HELZ2: variants seen among roughly 807,000 people sequenced by gnomAD.
HELZ2 encodes the protein 3'-5' exoribonuclease HELZ2.
A neutral mutation model predicts 208.8 loss-of-function variants in HELZ2; 143 were observed. That is an observed-to-expected ratio of 0.68 (90% CI 0.60 to 0.79). The LOEUF (loss-of-function observed/expected upper bound fraction) is 0.79, where lower values mean the gene tolerates loss of function less well. Among genes scored for constraint, HELZ2 ranks in the 30% least tolerant of loss-of-function variants. HELZ2 has a pLI of 0.00. For missense variants in HELZ2, 3,690 were observed against 3,794.5 expected, an observed-to-expected ratio of 0.97 and a Z score of 0.72; for synonymous variants, 1,705 against 1,693.7, an observed-to-expected ratio of 1.01 and a Z score of -0.16.
Position 63,562,950 on chromosome 20 carries a change from CCG to C in HELZ2, c.5870_5871del (p.Ala1957GlyfsTer5). On this transcript the variant is annotated frameshift_variant, in exon 8 of 19. Coordinates refer to ENST00000467148, the Ensembl canonical transcript of HELZ2. LOFTEE classifies it high-confidence loss of function. ...AGTGTGACGGAGTCATTCTCGGCAACCGCGCCGGTGGCCGACTCCAGGGCGCA... is the reference window on the plus strand; with the variant it reads ...AGTGTGACGGAGTCATTCTCGGCAACCGCCGGTGGCCGACTCCAGGGCGCA... The C allele has an allele frequency of 6.3e-7, 1 of 1,590,672 alleles. No individual in the cohort carries two copies. Among genetic ancestry groups the C allele is most frequent in the African/African-American group, 1.3e-5 (1 of 74,786 alleles).
At chr20:63,564,213 C>G in exon 8 of HELZ2, 1 of 1,611,788 alleles carries the variant, frequency 6.2e-7, no homozygotes, top group South Asian at 1.1e-5. Flanking sequence ...AGGAACTCAG[C>G]CACGAGCCTA....
rs867441852 is a variant in HELZ2, at chr20:63,563,255, C to A, written c.5567G>T (p.Arg1856Leu). ...CCGCTGCACCTGCACCAGCTCCCGC[C>A]GCTGGGACGCCTCGCCCTTCTCCTG... Residue 1856 changes from arginine (R) to leucine (L), a missense_variant, in exon 8 of 19, where the codon CGG (arginine) becomes CTG (leucine). Transcript: ENST00000467148. 2.6e-6 allele frequency: 4 copies of A among 1,559,398 alleles called. No individual in the cohort carries two copies. The Admixed American group carries it at 5.5e-5, about 21-fold the overall frequency.
rs115804478 is a variant in HELZ2 at position 63,567,276 on chromosome 20, G to A, written c.2082C>T (p.Gly694=). The A allele has an allele frequency of 5.8e-4, 926 of 1,608,514 alleles. 11 individuals are homozygous for A. The East Asian group carries it at 0.019, about 34-fold the overall frequency. ...GCCGGGGTGTGACCTGCATGTGGTC[G>A]CCCGCCAGCACGAGGCGGGTGCCGT... Residue 694 remains glycine, a synonymous_variant, in exon 6 of 19, where the codon GGC becomes GGT. Transcript: ENST00000467148.
Position 63,563,906 on chromosome 20 carries a change from C to T in HELZ2, c.4916G>A (p.Arg1639His), listed in dbSNP as rs550225161. The change falls in exon 8 of 19, where the codon CGC becomes CAC. Residue 1639 changes from arginine (R) to histidine (H), a missense_variant. Physicochemically the swap from Arg to His is conservative, Grantham distance 29. Transcript: ENST00000467148. ...GAACGCCGAGCGCTCCAGGGCCTTG[C>T]GGAGGTCGCGGCCTGCAGGAGCCAG... 90 of 1,594,886 alleles carry T rather than the reference C, an allele frequency of 5.6e-5. 1 individual carries two copies. Among genetic ancestry groups the T allele is most frequent in the South Asian group, 1.1e-4 (10 of 89,936 alleles).
At chr20:63,571,157 C>A in intron 1 of HELZ2, 1 of 390,114 alleles carries the variant, frequency 2.6e-6, no homozygotes, top group Non-Finnish European at 4.5e-6. Context: ...GGGCTCCTGC[C>A]CCGCTCCAAG....
In HELZ2 at chr20:63,567,606, C is replaced by A. The variant is rs749359635; in HGVS notation, c.1752G>T (p.Arg584=). 8.7e-6 allele frequency: 14 copies of A among 1,600,558 alleles called. No homozygotes were observed. The Admixed American group carries it at 2.2e-4, about 25-fold the overall frequency. ...CGCTGACGTGGCTGTGGAAATACTC[C>A]CGGATGTAGATGTCGGCGGCACTGC... The change falls in exon 6 of 19, where the codon CGG becomes CGT. Residue 584 remains arginine, a synonymous_variant. Coordinates refer to ENST00000467148, the Ensembl canonical transcript of HELZ2.
chr20:63,564,620 CT>C lies in HELZ2; in HGVS notation c.4201del (p.Arg1401GlyfsTer40). 1 of 1,568,528 alleles carries C rather than the reference CT, an allele frequency of 6.4e-7. No individual in the cohort carries two copies. The highest frequency in any genetic ancestry group is 8.6e-7 in the Non-Finnish European group (1 of 1,158,000). The stretch of plus-strand genomic sequence containing the variant: ...GGCCGGCAGCATGGGCACTGGCTCC[CT>C]GCCGGGGGCATAGAACGCAGCGCCC... On this transcript the variant is annotated frameshift_variant, in exon 8 of 19. Transcript: ENST00000467148. LOFTEE classifies it high-confidence loss of function.
At chr20:63,564,847 C>T (rs201643240) in exon 8 of HELZ2, 61 of 1,611,508 alleles carry the variant, frequency 3.8e-5, no homozygotes, top group East Asian at 6.7e-5. Context: ...GGCCAAGCTC[C>T]GTGTGGTATT....
At chr20:63,559,234 G>A (rs1406973694) in exon 19 of HELZ2, 2 of 1,533,520 alleles carry the variant, frequency 1.3e-6, no homozygotes, top group African/African-American at 1.4e-5. Context: ...CCTTGCAGGT[G>A]GAGAGGGCTC....
Position 63,560,694 on chromosome 20 carries a change from C to A in HELZ2, c.7285G>T (p.Glu2429Ter). 1 of 1,608,248 alleles carries A rather than the reference C, an allele frequency of 6.2e-7. No homozygotes were observed. The highest frequency in any genetic ancestry group is 8.5e-7 in the Non-Finnish European group (1 of 1,179,852). ...ACAGAGGGGAAGGCACAGATGCCCTCATGCTGCAGGCAAGGATGTGCGCTG... is the reference window on the plus strand; with the variant it reads ...ACAGAGGGGAAGGCACAGATGCCCTAATGCTGCAGGCAAGGATGTGCGCTG... The change falls in exon 16 of 19, where the codon GAG (glutamate) becomes TAG (stop). Residue 2429 changes from glutamate to a stop codon, truncating the protein, a stop_gained. Coordinates refer to ENST00000467148, the Ensembl canonical transcript of HELZ2. LOFTEE classifies it high-confidence loss of function.
rs200351587 is a variant in HELZ2 at position 63,569,196 on chromosome 20, T to C, written c.1040A>G (p.His347Arg). Reference sequence around the variant, plus strand: ...CGCCTCCTCCTCATAGAGAAACTGGTGCATCCTCTGCCGATAGTTGGTTGG... The same window carrying C: ...CGCCTCCTCCTCATAGAGAAACTGGCGCATCCTCTGCCGATAGTTGGTTGG... The change falls in exon 4 of 19, where the codon CAC becomes CGC. Residue 347 changes from histidine (H) to arginine (R), a missense_variant. By Grantham distance (29) the His-to-Arg change is conservative (BLOSUM62 0). Coordinates refer to ENST00000467148, the Ensembl canonical transcript of HELZ2. The C allele has an allele frequency of 1.0e-5, 16 of 1,549,290 alleles. No homozygotes were observed. The East Asian group carries it at 2.9e-4, about 28-fold the overall frequency.
chr20:63,567,223 G>A (rs1569035748), exon 6 of HELZ2: 1 of 1,607,434 alleles, frequency 6.2e-7, no homozygotes, highest in Non-Finnish European at 8.5e-7. Context: ...CGTGTGCTCG[G>A]CCGCCCGGGC....
chr20:63,562,058 G>A lies in HELZ2; in HGVS notation c.6529+14C>T, dbSNP rs554406158. On this transcript the variant is annotated intron_variant, in intron 10 of 18. Coordinates refer to ENST00000467148, the Ensembl canonical transcript of HELZ2. The stretch of plus-strand genomic sequence containing the variant: ...GCCCAAGGCAGCCTGCGGCTCCCCC[G>A]GCATGGGCCCTACCTGGTGGGCCCT... 33 of 1,587,294 alleles carry A rather than the reference G, an allele frequency of 2.1e-5. 1 individual carries two copies. The highest frequency in any genetic ancestry group is 3.3e-4 in the Middle Eastern group (2 of 5,978).
exon 17 of HELZ2, chr20:63,560,319 G>A (rs2082872076): frequency 6.4e-7 from 1 of 1,553,680 alleles, no homozygotes; most frequent in East Asian, 2.3e-5. Flanking sequence ...GCTGCTTGGT[G>A]ATACGGACCT....
chr20:63,563,830 C>A, exon 8 of HELZ2: 1 of 1,598,488 alleles, frequency 6.3e-7, no homozygotes, highest in African/African-American at 1.3e-5. Context: ...ACCAGTCCAC[C>A]TGCAGCGAGT....
exon 18 of HELZ2, chr20:63,560,035 T>C (rs1307953657): frequency 6.2e-7 from 1 of 1,611,374 alleles, no homozygotes; most frequent in African/African-American, 1.3e-5. Context: ...GGGCCGCTGG[T>C]CCAGGTCGCT....
rs201443242 is a variant in HELZ2 at position 63,561,615 on chromosome 20, C to T, written c.6822G>A (p.Pro2274=). 1.4e-5 allele frequency: 22 copies of T among 1,606,888 alleles called. No individual in the cohort carries two copies. The Middle Eastern group carries it at 6.6e-4, about 48-fold the overall frequency. ...AGCAGGCACACCTGAGGCTCTGGTT[C>T]GGCCTCCCCTCCCGGGGGCTCTTCC... The change falls in exon 12 of 19, where the codon CCG becomes CCA. Residue 2274 remains proline (P), a synonymous_variant. Transcript: ENST00000467148.
intron 2 of HELZ2, 29 bp from the exon 4 acceptor site, chr20:63,570,640 G>A (rs765067509): frequency 6.3e-7 from 1 of 1,595,444 alleles, no homozygotes; most frequent in Non-Finnish European, 8.6e-7. Flanking sequence ...TTCAGCAAGA[G>A]GCCTGGACCC....
intron 1 of HELZ2, 64 bp downstream of exon 2, chr20:63,572,044 A>G (rs1344817369): frequency 4.0e-6 from 6 of 1,483,206 alleles, no homozygotes; most frequent in African/African-American, 2.9e-5. Context: ...GCTCCTGGGA[A>G]CCTCTGGTTC....
Sources: gnomAD v4.1 joint callset for allele counts on GRCh38, gnomAD v4.1.1 for gene constraint, MANE v1.5 for transcripts, NCBI Gene and HGNC (gene_info 2026-07-23, HGNC 2026-07-21) for gene names.